The following CDH13 variants were observed in gnomAD, a reference collection of about 807,000 sequenced individuals.
CDH13 encodes cadherin-13.
A neutral mutation model predicts 63.8 loss-of-function variants in CDH13; 24 were observed. The ratio of observed to expected loss-of-function variants is 0.38; its 90% CI spans 0.27 to 0.53. The LOEUF is 0.53. Ranked by LOEUF, CDH13 falls within the 20% of genes least tolerant of loss-of-function variation. The probability of loss-of-function intolerance (pLI) is 0.85; values close to 1 mark genes in which losing one functional copy is unlikely to be tolerated. For missense variants in CDH13, 1,049 were observed against 903.1 expected (o/e 1.16, Z -2.07); for synonymous variants, 503 against 355.3 (o/e 1.42, Z -4.67).
chr16:83,756,156 T>C (rs1354767141), intron 11 of CDH13, among the ~76,000 whole-genome samples: 1 of 151,698 alleles, frequency 6.6e-6, no homozygotes, highest in Non-Finnish European at 1.5e-5. Context: ...AGGAAATAGG[T>C]TTGACTAATC....
intron 10 of CDH13, among the ~76,000 whole-genome samples, chr16:83,706,566 T>C (rs1907089617): frequency 6.6e-6 from 1 of 152,198 alleles, no homozygotes; most frequent in Non-Finnish European, 1.5e-5. Context: ...GTGAACCCTT[T>C]ACTGCTGTGT....
chr16:83,564,700 C>T (rs546580013), intron 7 of CDH13, among the ~76,000 whole-genome samples: 20 of 152,186 alleles, frequency 1.3e-4, no homozygotes, highest in South Asian at 1.2e-3. Context: ...TGAGCCATTG[C>T]ACCCAGCAGG....
At chr16:83,415,197 C>A (rs541775590) in intron 6 of CDH13, among the ~76,000 whole-genome samples, 70 of 151,876 alleles carry the variant, frequency 4.6e-4, no homozygotes, top group African/African-American at 1.5e-3. Context: ...GAGTAAATTC[C>A]TAAAAACATA....
intron 4 of CDH13, among the ~76,000 whole-genome samples, chr16:83,163,964 G>T (rs1253020984): frequency 2.0e-5 from 3 of 151,894 alleles, no homozygotes; most frequent in Admixed American, 6.6e-5. Flanking sequence ...AAACCTTACC[G>T]TGTGCTGAAC....
Position 83,664,285 on chromosome 16 carries a change from C to T in CDH13, c.1102-6505C>T, listed in dbSNP as rs528214679. Among the ~76,000 whole-genome samples, 9 of 152,230 alleles carry T rather than the reference C, an allele frequency of 5.9e-5. 1 individual carries two copies. In the South Asian group the frequency reaches 6.2e-4, roughly 11 times the overall value. The stretch of plus-strand genomic sequence containing the variant: ...CCTGACTATGCCTTTTCTACTGTGA[C>T]GTAGCTAGGGAAGGACTTAGTAGGT... On this transcript the variant is annotated intron_variant, in intron 8 of 13. Coordinates refer to ENST00000567109, the MANE Select transcript of CDH13 (RefSeq NM_001257.5).
At chr16:83,186,464 C>T (rs930574315) in intron 4 of CDH13, among the ~76,000 whole-genome samples, 6 of 152,056 alleles carry the variant, frequency 3.9e-5, no homozygotes, top group Admixed American at 2.0e-4. Flanking sequence ...TTCGACTTTT[C>T]GAGACAGCCT....
intron 7 of CDH13, among the ~76,000 whole-genome samples, chr16:83,504,104 C>G (rs1178112235): frequency 6.6e-6 from 1 of 152,082 alleles, no homozygotes; most frequent in East Asian, 1.9e-4. Context: ...ATATGTATCC[C>G]AGAAGTTAAG....
At chr16:83,699,303 G>C (rs1455371293) in intron 10 of CDH13, among the ~76,000 whole-genome samples, 2 of 152,196 alleles carry the variant, frequency 1.3e-5, no homozygotes, top group Admixed American at 6.5e-5. Flanking sequence ...TAATATTCCT[G>C]CATTTGTTCA....
chr16:83,225,928 C>G (rs1022621115), intron 5 of CDH13, among the ~76,000 whole-genome samples: 33 of 152,250 alleles, frequency 2.2e-4, no homozygotes, highest in African/African-American at 7.9e-4. Context: ...GCAGGGGTTT[C>G]TAACACAAAA....
chr16:82,685,495 A>G lies in CDH13; in HGVS notation c.45+58358A>G, dbSNP rs531052305. Reference sequence around the variant, plus strand: ...AACATATGGATGTTGGGGGGAATAAATCTTTAGCCTGTAGCAAAGATAATG... The same window carrying G: ...AACATATGGATGTTGGGGGGAATAAGTCTTTAGCCTGTAGCAAAGATAATG... On this transcript the variant is annotated intron_variant, in intron 1 of 13. Coordinates refer to ENST00000567109, the MANE Select transcript of CDH13 (RefSeq NM_001257.5). Among the ~76,000 whole-genome samples, 171 of 152,336 alleles carry G rather than the reference A, an allele frequency of 1.1e-3. 1 individual carries two copies. The highest frequency in any genetic ancestry group is 6.8e-3 in the Middle Eastern group (2 of 294).
chr16:83,792,995 C>T (rs894788571), intron 13 of CDH13, among the ~76,000 whole-genome samples: 11 of 152,168 alleles, frequency 7.2e-5, no homozygotes, highest in Non-Finnish European at 1.3e-4. Context: ...AGCCTGTCTT[C>T]AGTGGGCACT....
intron 7 of CDH13, among the ~76,000 whole-genome samples, chr16:83,587,951 T>G (rs1567787408): frequency 6.6e-6 from 1 of 151,938 alleles, no homozygotes; most frequent in African/African-American, 2.4e-5. Flanking sequence ...TACCTCTTTT[T>G]TTTTTTTTTG....
chr16:83,431,776 AC>A (rs1407104801), intron 6 of CDH13, among the ~76,000 whole-genome samples: 5 of 152,076 alleles, frequency 3.3e-5, no homozygotes, highest in African/African-American at 4.8e-5. Context: ...ATGGCACTAA[AC>A]CATTCGCAAG....
At chr16:83,210,131 C>G (rs956056710) in intron 4 of CDH13, among the ~76,000 whole-genome samples, 5 of 152,010 alleles carry the variant, frequency 3.3e-5, no homozygotes, top group African/African-American at 1.2e-4. Context: ...GTGGTGTGAT[C>G]TTGGCTCACT....
chr16:83,522,494 T>G (rs766548293), intron 7 of CDH13, among the ~76,000 whole-genome samples: 2 of 152,226 alleles, frequency 1.3e-5, no homozygotes, highest in African/African-American at 4.8e-5. Flanking sequence ...TATTACAGAC[T>G]TGAAGCTGGT....
chr16:83,486,605 G>C lies in CDH13; in HGVS notation c.910G>C (p.Glu304Gln). The change falls in exon 7 of 14, where the codon GAG becomes CAG. Residue 304 changes from glutamate (E) to glutamine (Q), a missense_variant. Glu to Gln is a conservative substitution (Grantham distance 29). Coordinates refer to ENST00000567109, the MANE Select transcript of CDH13 (RefSeq NM_001257.5). ...TCCCAACATGTTCTACATCGATCCT[G>C]AGAAAGGAGACATTGTCACTGTTGT... ...PSPNMFYIDP[E>Q]KGDIVTVVSP... 1 of 1,613,932 alleles carries C rather than the reference G, an allele frequency of 6.2e-7. No homozygotes were observed. The highest frequency in any genetic ancestry group is 8.5e-7 in the Non-Finnish European group (1 of 1,179,836).
At chr16:83,454,717 T>C (rs914444753) in intron 6 of CDH13, among the ~76,000 whole-genome samples, 1 of 150,714 alleles carries the variant, frequency 6.6e-6, no homozygotes, top group Non-Finnish European at 1.5e-5. Context: ...TCTATTGATT[T>C]TTTTTTTTTG....
chr16:82,699,498 C>T (rs1359787407), intron 1 of CDH13, among the ~76,000 whole-genome samples: 1 of 152,250 alleles, frequency 6.6e-6, no homozygotes, highest in Non-Finnish European at 1.5e-5. Flanking sequence ...ATTTCCCTTG[C>T]TCCACTTCAT....
chr16:82,781,655 T>C (rs182997336), intron 1 of CDH13, among the ~76,000 whole-genome samples: 11 of 152,280 alleles, frequency 7.2e-5, no homozygotes, highest in Admixed American at 5.2e-4. Flanking sequence ...TATCAGTCCA[T>C]CTATCTATTC....
Sources: gnomAD v4.1 joint callset for allele counts (sites outside exome capture counted in the v4.1 genomes callset) on GRCh38, gnomAD v4.1.1 for gene constraint, MANE v1.5 for transcripts, NCBI Gene and HGNC (gene_info 2026-07-23, HGNC 2026-07-21) for gene names.